HKDC1: variants seen among roughly 807,000 people sequenced by gnomAD.
The protein encoded by HKDC1 is hexokinase HKDC1.
HKDC1 carries 66 observed loss-of-function variants against 96.6 expected under a neutral mutation model. The observed-to-expected ratio is 0.68, with a 90% CI of 0.56 to 0.84. The LOEUF (loss-of-function observed/expected upper bound fraction) is 0.84. Ranked by LOEUF, HKDC1 falls within the 40% of genes least tolerant of loss-of-function variation. HKDC1 has a pLI of 0.00. For synonymous variants in HKDC1, 466 were observed against 473.1 expected (o/e 0.98, Z 0.20); for missense variants, 1,211 against 1,208.1 (o/e 1.00, Z -0.04).
At chr10:69,258,065 G>A (rs1035027669) in intron 14 of HKDC1, among the ~76,000 whole-genome samples, 52 of 152,300 alleles carry the variant, frequency 3.4e-4, no homozygotes, top group African/African-American at 1.2e-3. Flanking sequence ...GATCATCTGG[G>A]CTTTCTGGAT....
chr10:69,222,277 C>T (rs1011822579), intron 1 of HKDC1, among the ~76,000 whole-genome samples: 9 of 152,158 alleles, frequency 5.9e-5, no homozygotes, highest in African/African-American at 2.2e-4. Context: ...CCCTCAGGTA[C>T]TTGGTGGGAT....
chr10:69,265,593 T>C lies in HKDC1; in HGVS notation c.2381T>C (p.Leu794Pro). ...TGCTCTATTGCCTGCAGCGATCGGC[T>C]GGCCCTTCTCCAGGTCAGGAGGATT... is the stretch of plus-strand genomic sequence containing the variant. Reference protein sequence around the residue: ...KFLSQIESDRLALLQVRRILQ... With the variant: ...KFLSQIESDRPALLQVRRILQ... Residue 794 changes from leucine to proline, a missense_variant, in exon 17 of 18, where the codon CTG becomes CCG. Coordinates refer to ENST00000354624, the MANE Select transcript of HKDC1 (RefSeq NM_025130.4). The C allele has an allele frequency of 6.2e-7, 1 of 1,613,648 alleles. No individual in the cohort carries two copies. Among genetic ancestry groups the C allele is most frequent in the Non-Finnish European group, 8.5e-7 (1 of 1,179,892 alleles).
rs753655337 is a variant in HKDC1 at position 69,248,623 on chromosome 10, G to A, written c.1465G>A (p.Ala489Thr). Residue 489 changes from alanine to threonine, a missense_variant, in exon 10 of 18, where the codon GCC becomes ACC. Physicochemically the swap from Ala to Thr is moderately conservative, Grantham distance 58 (BLOSUM62 0). Transcript: ENST00000354624. ...CCGAGAGCAGCTCGTGGACGTGCAG[G>A]CCAAGATGCGGGCTGAGCTGGAGTA... Reference protein sequence around the residue: ...LTREQLVDVQAKMRAELEYGL... With the variant: ...LTREQLVDVQTKMRAELEYGL... 6.2e-7 allele frequency: 1 copy of A among 1,614,140 alleles called. No homozygotes were observed. Among genetic ancestry groups the A allele is most frequent in the Non-Finnish European group, 8.5e-7 (1 of 1,180,024 alleles).
chr10:69,237,885 G>C (rs1386066323), intron 4 of HKDC1, among the ~76,000 whole-genome samples: 2 of 152,158 alleles, frequency 1.3e-5, no homozygotes, highest in Non-Finnish European at 2.9e-5. Flanking sequence ...CTCAATCCCA[G>C]CGTTTTTAAA....
intron 7 of HKDC1, among the ~76,000 whole-genome samples, chr10:69,245,460 T>C (rs1321076424): frequency 6.6e-6 from 1 of 151,664 alleles, no homozygotes; most frequent in African/African-American, 2.4e-5. Context: ...GATGCACCCC[T>C]ATGGGAGGCT....
Position 69,248,421 on chromosome 10 carries a change from C to T in HKDC1, c.1266-3C>T, listed in dbSNP as rs1843578349. On this transcript the variant is annotated splice_polypyrimidine_tract_variant and splice_region_variant and intron_variant, in intron 9 of 17. Coordinates refer to ENST00000354624, the MANE Select transcript of HKDC1 (RefSeq NM_025130.4). ...AAATATTTTGCCATCACCCCTGCTT[C>T]AGGTACCCAAAACGCCTGCACAAGG... 1.3e-6 allele frequency: 2 copies of T among 1,545,800 alleles called. No individual in the cohort carries two copies. The highest frequency in any genetic ancestry group is 2.3e-5 in the East Asian group (1 of 44,192).
chr10:69,256,981 G>A, intron 12 of HKDC1, 55 bp from the exon 13 acceptor site: 2 of 1,309,880 alleles, frequency 1.5e-6, no homozygotes, highest in Admixed American at 1.7e-5. Context: ...TGTTGAGGTT[G>A]TGCAGTGGCC....
rs984831694 is a variant in HKDC1, at chr10:69,266,481, A to G, written c.2607-129A>G. On this transcript the variant is annotated intron_variant, in intron 17 of 17. Coordinates refer to ENST00000354624, the MANE Select transcript of HKDC1 (RefSeq NM_025130.4). ...CCATGTCTAAAAAAAAAAAAAAATT[A>G]GAAGAAGCTGTTTAGAGCCTTGAAA... 1.5e-5 allele frequency: 13 copies of G among 881,088 alleles called. No individual in the cohort carries two copies. The African/African-American group carries it at 1.9e-4, about 13-fold the overall frequency. The allele number at this position is 881,088 out of a possible 1,614,324, so 54.6% of individuals were successfully genotyped here.
chr10:69,229,645 C>T (rs987284284), intron 2 of HKDC1, among the ~76,000 whole-genome samples: 4 of 152,096 alleles, frequency 2.6e-5, no homozygotes, highest in Non-Finnish European at 4.4e-5. Context: ...CTGGGACAGG[C>T]GGTGTCCTCC....
chr10:69,264,798 A>C (rs1485786298), intron 16 of HKDC1, among the ~76,000 whole-genome samples: 1 of 152,184 alleles, frequency 6.6e-6, no homozygotes, highest in African/African-American at 2.4e-5. Context: ...TTCTCTAAGT[A>C]TTACCTGAGA....
chr10:69,246,850 G>T (rs930619051), intron 8 of HKDC1, among the ~76,000 whole-genome samples: 1 of 152,198 alleles, frequency 6.6e-6, no homozygotes, highest in Non-Finnish European at 1.5e-5. Flanking sequence ...TCTTGGCATC[G>T]CCTTGACTTT....
Position 69,250,556 on chromosome 10 carries a change from C to A in HKDC1, c.1740C>A (p.Cys580Ter). Reference protein sequence around the residue: ...GEELFDHIVQCIADFLDYMGL... With the variant: ...GEELFDHIVQ ...AGCTCTTTGATCACATTGTGCAGTG[C>A]ATCGCCGACTTCCTGGACTACATGG... Residue 580 changes from cysteine (C) to a stop codon, truncating the protein, a stop_gained, in exon 12 of 18, where the codon TGC (cysteine) becomes TGA (stop). Coordinates refer to ENST00000354624, the MANE Select transcript of HKDC1 (RefSeq NM_025130.4). LOFTEE classifies it high-confidence loss of function. 1 of 1,614,138 alleles carries A rather than the reference C, an allele frequency of 6.2e-7. No individual in the cohort carries two copies. Among genetic ancestry groups the A allele is most frequent in the Non-Finnish European group, 8.5e-7 (1 of 1,180,024 alleles).
At chr10:69,238,578 T>A (rs1476800080) in intron 4 of HKDC1, among the ~76,000 whole-genome samples, 1 of 92,702 alleles carries the variant, frequency 1.1e-5, no homozygotes, top group Non-Finnish European at 2.1e-5. Flanking sequence ...GGGTTTCACC[T>A]TGTTAGCCAG....
chr10:69,235,440 A>G (rs2132343422), intron 4 of HKDC1, among the ~76,000 whole-genome samples: 1 of 129,822 alleles, frequency 7.7e-6, no homozygotes, highest in South Asian at 2.4e-4. Flanking sequence ...AAACAAACAA[A>G]AAACAACAAC....
At chr10:69,240,798 TTTGGGAGTTTCA>T (rs1212930099) in intron 6 of HKDC1, 47 bp downstream of exon 6, 5 of 1,423,600 alleles carry the variant, frequency 3.5e-6, no homozygotes, top group African/African-American at 2.8e-5. Context: ...GAAGGGACTG[TTTGGGAGTTTCA>T]TTTCAGCGAG....
Position 69,238,368 on chromosome 10 carries a change from CTTTTTTTT to C in HKDC1, c.496-662_496-655del, listed in dbSNP as rs55819248. Among the ~76,000 whole-genome samples, 50 of 61,332 alleles carry C rather than the reference CTTTTTTTT, an allele frequency of 8.2e-4. 1 individual carries two copies. Among genetic ancestry groups the C allele is most frequent in the Admixed American group, 7.5e-4 (5 of 6,710 alleles). The allele number at this position is 61,332 out of a possible 152,430, so 40.2% of individuals were successfully genotyped here. On this transcript the variant is annotated intron_variant, in intron 4 of 17. Coordinates refer to ENST00000354624, the MANE Select transcript of HKDC1 (RefSeq NM_025130.4). ...GCATGTATAATACACCAGGTATTTT[CTTTTTTTT>C]TTTTTTTTTTTGAGACGGAGTCTCG...
At chr10:69,254,804 T>G (rs1843694766) in intron 12 of HKDC1, among the ~76,000 whole-genome samples, 1 of 152,066 alleles carries the variant, frequency 6.6e-6, no homozygotes, top group Non-Finnish European at 1.5e-5. Flanking sequence ...TTTACTTACT[T>G]AAAAATATGT....
Position 69,232,795 on chromosome 10 carries a change from A to G in HKDC1, c.258A>G (p.Gly86=). The G allele has an allele frequency of 6.2e-7, 1 of 1,614,140 alleles. No homozygotes were observed. Among genetic ancestry groups the G allele is most frequent in the Non-Finnish European group, 8.5e-7 (1 of 1,180,000 alleles). The change falls in exon 3 of 18, where the codon GGA becomes GGG. Residue 86 remains glycine, a synonymous_variant. Transcript: ENST00000354624. ...GGGAGTTCCTTTCCCTGGATCTCGG[A>G]GGGTCCAAGTTCCGAGTGCTGAAGG... ...ENGEFLSLDL[G]GSKFRVLKVQ...
At chr10:69,262,037 G>C (rs1438979204) in intron 16 of HKDC1, 2 of 416,268 alleles carry the variant, frequency 4.8e-6, no homozygotes, top group Non-Finnish European at 9.6e-6. Context: ...TGAGTTGTCT[G>C]TCTGTCTCTC....
Sources: gnomAD v4.1 joint callset for allele counts (sites outside exome capture counted in the v4.1 genomes callset) on GRCh38, gnomAD v4.1.1 for gene constraint, MANE v1.5 for transcripts, NCBI Gene and HGNC (gene_info 2026-07-23, HGNC 2026-07-21) for gene names.